The following ANKFN1 variants were observed in gnomAD, a reference collection of about 807,000 sequenced individuals.
The protein encoded by ANKFN1 is ankyrin repeat and fibronectin type-III domain-containing protein 1.
Under a neutral mutation model 108.7 loss-of-function variants are expected in ANKFN1, and 74 were observed. The observed-to-expected ratio is 0.68, with a 90% CI of 0.56 to 0.83. The LOEUF is 0.83. Ranked by LOEUF, ANKFN1 falls within the 40% of genes least tolerant of loss-of-function variation. The pLI is 0.00. For synonymous variants in ANKFN1, 547 were observed against 516.2 expected (o/e 1.06, Z -0.81); for missense variants, 1,505 against 1,382.3 (o/e 1.09, Z -1.41).
At chr17:56,071,904 T>C (rs6505029) in intron 4 of ANKFN1, among the ~76,000 whole-genome samples, 104,718 of 152,106 alleles carry the variant, frequency 0.69, 36,528 homozygotes, top group Middle Eastern at 0.76. Flanking sequence ...TTCACAGTGG[T>C]CCCTAGCCAT....
At chr17:56,130,501 G>C (rs1166066243) in intron 4 of ANKFN1, among the ~76,000 whole-genome samples, 1 of 151,992 alleles carries the variant, frequency 6.6e-6, no homozygotes, top group African/African-American at 2.4e-5. Context: ...GTGGGGTCCG[G>C]ATCATGGTAT....
rs537957393 is a variant in ANKFN1 at position 56,094,830 on chromosome 17, A to G, written c.288+48505A>G. Among the ~76,000 whole-genome samples, 22 of 150,828 alleles carry G rather than the reference A, an allele frequency of 1.5e-4. No individual in the cohort carries two copies. The East Asian group carries it at 3.9e-3, about 27-fold the overall frequency. On this transcript the variant is annotated intron_variant, in intron 4 of 12. Transcript: ENST00000635860. ...CCATAGCGCCCAGCCTGTTTCTTCTATTAAATGGATTCCAATATGATTATT... is the reference window on the plus strand; with the variant it reads ...CCATAGCGCCCAGCCTGTTTCTTCTGTTAAATGGATTCCAATATGATTATT...
chr17:56,096,589 A>G (rs1209816317), intron 4 of ANKFN1, among the ~76,000 whole-genome samples: 2 of 152,236 alleles, frequency 1.3e-5, no homozygotes, highest in Non-Finnish European at 2.9e-5. Context: ...ATCATCAGAG[A>G]AATGCAAATC....
chr17:56,086,616 C>T (rs1905318291), intron 4 of ANKFN1, among the ~76,000 whole-genome samples: 1 of 151,270 alleles, frequency 6.6e-6, no homozygotes, highest in Non-Finnish European at 1.5e-5. Context: ...GGGCTTCTTA[C>T]CTGAACCATA....
At chr17:56,323,883 G>T (rs1598406539) in intron 3 of ANKFN1, among the ~76,000 whole-genome samples, 1 of 152,264 alleles carries the variant, frequency 6.6e-6, no homozygotes, top group African/African-American at 2.4e-5. Context: ...ACAATGAAGT[G>T]CAATAAAATA....
chr17:56,299,954 A>G (rs547329416), intron 3 of ANKFN1, among the ~76,000 whole-genome samples: 29 of 152,334 alleles, frequency 1.9e-4, no homozygotes, highest in Non-Finnish European at 2.6e-4. Context: ...TATACTTGTC[A>G]TCTGTCTACA....
chr17:56,477,893 T>C (rs1388167158), intron 16 of ANKFN1, among the ~76,000 whole-genome samples: 1 of 152,148 alleles, frequency 6.6e-6, no homozygotes, highest in Non-Finnish European at 1.5e-5. Flanking sequence ...AATGGCGCAA[T>C]ATCAGCTCAC....
intron 3 of ANKFN1, among the ~76,000 whole-genome samples, chr17:56,302,518 A>G (rs1331988199): frequency 2.5e-5 from 3 of 121,616 alleles, no homozygotes; most frequent in Non-Finnish European, 4.9e-5. Context: ...TAGCCTCTAC[A>G]AAAAAAAAAA....
chr17:56,063,582 G>C (rs1905013113), intron 4 of ANKFN1, among the ~76,000 whole-genome samples: 1 of 151,576 alleles, frequency 6.6e-6, no homozygotes, highest in Non-Finnish European at 1.5e-5. Context: ...TACTTGTGCT[G>C]TTTTTCAGCT....
chr17:56,507,461 A>G (rs1417961964), intron 20 of ANKFN1, among the ~76,000 whole-genome samples: 1 of 151,972 alleles, frequency 6.6e-6, no homozygotes, highest in Non-Finnish European at 1.5e-5. Flanking sequence ...TTATTATATT[A>G]TCAACCTCAC....
chr17:56,106,437 G>A (rs1356855020), intron 4 of ANKFN1, among the ~76,000 whole-genome samples: 1 of 152,208 alleles, frequency 6.6e-6, no homozygotes. Context: ...TCCCCTTACC[G>A]ATAAAACAGA....
chr17:56,093,709 C>T (rs76752203), intron 4 of ANKFN1, among the ~76,000 whole-genome samples: 2,367 of 151,322 alleles, frequency 0.016, 99 homozygotes, highest in African/African-American at 0.054. Flanking sequence ...GGTGAAGTTC[C>T]GTATTTATTG....
At chr17:56,205,317 A>G (rs1387120956) in intron 1 of ANKFN1, among the ~76,000 whole-genome samples, 1 of 152,214 alleles carries the variant, frequency 6.6e-6, no homozygotes, top group Non-Finnish European at 1.5e-5. Flanking sequence ...AGCGGGTACA[A>G]TTGTCAAAAA....
At chr17:56,225,844 C>G (rs1450248208) in intron 2 of ANKFN1, among the ~76,000 whole-genome samples, 1 of 152,142 alleles carries the variant, frequency 6.6e-6, no homozygotes, top group Non-Finnish European at 1.5e-5. Context: ...TCAAGGACAT[C>G]CCTGAATAGT....
At position 56,515,125 on chromosome 17, in the gene ANKFN1, G is replaced by T. The variant is rs925833303; in HGVS notation, c.*3856G>T. On this transcript the variant is annotated 3_prime_UTR_variant, in exon 21 of 21. Coordinates refer to ENST00000682825, the MANE Select transcript of ANKFN1 (RefSeq NM_001370326.1). Reference sequence around the variant, plus strand: ...GTCTGCAACGCATTTAAGTTGCCTAGTTATGTCAACAAGACACAGAATTCA... The same window carrying T: ...GTCTGCAACGCATTTAAGTTGCCTATTTATGTCAACAAGACACAGAATTCA... 2.6e-5 allele frequency among the ~76,000 whole-genome samples: 4 copies of T among 151,980 alleles called. No homozygotes were observed. Among genetic ancestry groups the T allele is most frequent in the Non-Finnish European group, 1.5e-5 (1 of 67,992 alleles).
At chr17:56,120,548 A>T (rs989798726) in intron 4 of ANKFN1, among the ~76,000 whole-genome samples, 1 of 152,134 alleles carries the variant, frequency 6.6e-6, no homozygotes, top group African/African-American at 2.4e-5. Context: ...TGACTCTCCT[A>T]CCCAGGAAAA....
Position 56,480,751 on chromosome 17 carries a change from T to C in ANKFN1, c.2024T>C (p.Leu675Ser). The change falls in exon 17 of 21, where the codon TTG becomes TCG. Residue 675 changes from leucine to serine, a missense_variant. Coordinates refer to ENST00000682825, the MANE Select transcript of ANKFN1 (RefSeq NM_001370326.1). Reference protein sequence around the residue: ...VDHTSDCPMQLFFYELQMAVK... With the variant: ...VDHTSDCPMQSFFYELQMAVK... ...CATACTTCTGACTGCCCCATGCAATTGTTCTTCTACGAGCTCCAGATGGCA... is the reference window on the plus strand; with the variant it reads ...CATACTTCTGACTGCCCCATGCAATCGTTCTTCTACGAGCTCCAGATGGCA... The C allele has an allele frequency of 6.2e-7, 1 of 1,614,014 alleles. No individual in the cohort carries two copies.
rs149648633 is a variant in ANKFN1 at position 56,132,723 on chromosome 17, C to T, written c.288+86398C>T. On this transcript the variant is annotated intron_variant, in intron 4 of 12. Transcript: ENST00000635860. ...CTGTAGATTCAGCATCTGATGAGGG[C>T]GCTCTTCTGGGTTGCAGACTGCCGA... is the stretch of plus-strand genomic sequence containing the variant. Among the ~76,000 whole-genome samples, 345 of 152,142 alleles carry T rather than the reference C, an allele frequency of 2.3e-3. 6 individuals are homozygous for T. Among genetic ancestry groups the T allele is most frequent in the Middle Eastern group, 0.014 (4 of 294 alleles).
chr17:56,410,357 A>C (rs1284373086), intron 8 of ANKFN1, among the ~76,000 whole-genome samples: 1 of 152,138 alleles, frequency 6.6e-6, no homozygotes, highest in Non-Finnish European at 1.5e-5. Context: ...GGCCTCCCAA[A>C]GTGCTGGGAT....
Sources: gnomAD v4.1 joint callset for allele counts (sites outside exome capture counted in the v4.1 genomes callset) on GRCh38, gnomAD v4.1.1 for gene constraint, MANE v1.5 for transcripts, NCBI Gene and HGNC (gene_info 2026-07-23, HGNC 2026-07-21) for gene names.